ZNF536: variants seen among roughly 807,000 people sequenced by gnomAD.
ZNF536 encodes the protein zinc finger protein 536.
In ZNF536, 13 loss-of-function variants were observed where a neutral mutation model predicts 84.5. The ratio of observed to expected loss-of-function variants is 0.15; its 90% CI spans 0.10 to 0.24. The LOEUF (loss-of-function observed/expected upper bound fraction) is 0.24. Among genes scored for constraint, ZNF536 ranks in the 10% least tolerant of loss-of-function variants. The pLI, the probability that ZNF536 is intolerant of heterozygous loss-of-function variation, is 1.00. For missense variants in ZNF536, 1,536 were observed against 1,747.5 expected, an observed-to-expected ratio of 0.88 and a Z score of 2.16; for synonymous variants, 811 against 742.5, an observed-to-expected ratio of 1.09 and a Z score of -1.50.
chr19:30,576,977 A>T (rs1000816697), intron 1 of ZNF536, among the ~76,000 whole-genome samples: 4 of 152,168 alleles, frequency 2.6e-5, no homozygotes, highest in African/African-American at 9.7e-5. Flanking sequence ...TTTGTTTGGG[A>T]TTTGAAGTCT....
chr19:30,396,454 T>A (rs1015078759), intron 1 of ZNF536, among the ~76,000 whole-genome samples: 2 of 152,210 alleles, frequency 1.3e-5, no homozygotes, highest in Non-Finnish European at 2.9e-5. Context: ...CATCCATCTT[T>A]CTTTGAGAAG....
chr19:30,297,906 C>CCG (rs919670085), intron 2 of ZNF536, among the ~76,000 whole-genome samples: 1 of 149,340 alleles, frequency 6.7e-6, no homozygotes, highest in African/African-American at 2.5e-5. Flanking sequence ...GACGGAGTCC[C>CCG]CCCCCCCTCT....
intron 1 of ZNF536, among the ~76,000 whole-genome samples, chr19:30,567,010 G>T (rs567030554): frequency 2.0e-5 from 3 of 150,744 alleles, no homozygotes; most frequent in Non-Finnish European, 4.4e-5. Flanking sequence ...CGGTCCCCGC[G>T]TGTGGCCTCT....
chr19:30,558,726 G>A (rs1213974432), downstream of ZNF536, among the ~76,000 whole-genome samples: 1 of 152,068 alleles, frequency 6.6e-6, no homozygotes, highest in African/African-American at 2.4e-5. Context: ...TGGACTTGAG[G>A]GTCCTGCCAT....
intron 1 of ZNF536, among the ~76,000 whole-genome samples, chr19:30,374,804 C>G (rs1375045595): frequency 6.6e-6 from 1 of 151,858 alleles, no homozygotes; most frequent in Non-Finnish European, 1.5e-5. Flanking sequence ...CACCCCCAGC[C>G]GGCGCCCGGG....
intron 2 of ZNF536, among the ~76,000 whole-genome samples, chr19:30,328,627 C>T (rs2047113139): frequency 6.6e-6 from 1 of 152,196 alleles, no homozygotes; most frequent in South Asian, 2.1e-4. Flanking sequence ...GTTATTTGTA[C>T]CACTTGTGTG....
chr19:30,358,679 T>G (rs1157683262), intron 3 of ZNF536, among the ~76,000 whole-genome samples: 1 of 152,236 alleles, frequency 6.6e-6, no homozygotes, highest in African/African-American at 2.4e-5. Flanking sequence ...TCTGTCCAAG[T>G]CTAACTTGTG....
intron 1 of ZNF536, among the ~76,000 whole-genome samples, chr19:30,277,216 A>G (rs1043341243): frequency 1.8e-4 from 28 of 152,218 alleles, no homozygotes; most frequent in African/African-American, 6.8e-4. Flanking sequence ...TGAATTTTCA[A>G]CACTGTTGAT....
At chr19:30,236,824 G>A (rs2144765881) in intron 1 of ZNF536, among the ~76,000 whole-genome samples, 1 of 152,268 alleles carries the variant, frequency 6.6e-6, no homozygotes, top group South Asian at 2.1e-4. Context: ...GGAGGGGGGT[G>A]GTAGGGATGT....
chr19:30,321,456 A>T (rs932425156), intron 2 of ZNF536, among the ~76,000 whole-genome samples: 1 of 152,118 alleles, frequency 6.6e-6, no homozygotes, highest in Non-Finnish European at 1.5e-5. Context: ...TACTCAGGGG[A>T]CTGAGGCAGG....
chr19:30,338,482 A>ATG (rs1212510931), intron 2 of ZNF536, among the ~76,000 whole-genome samples: 19 of 114,962 alleles, frequency 1.7e-4, no homozygotes, highest in African/African-American at 7.3e-4. Context: ...CAATGATGAT[A>ATG]GTGATGATGA....
At chr19:30,581,925 C>T (rs189310320) in intron 1 of ZNF536, among the ~76,000 whole-genome samples, 2 of 152,144 alleles carry the variant, frequency 1.3e-5, no homozygotes, top group East Asian at 1.9e-4. Flanking sequence ...AGAGCCAGAG[C>T]GAGACTCCTC....
At chr19:30,257,149 C>T (rs549390877) in intron 1 of ZNF536, among the ~76,000 whole-genome samples, 1 of 152,170 alleles carries the variant, frequency 6.6e-6, no homozygotes, top group African/African-American at 2.4e-5. Flanking sequence ...CTCCTGGCGC[C>T]TATTCATTGC....
At chr19:30,396,193 C>T (rs1230871219) in intron 1 of ZNF536, among the ~76,000 whole-genome samples, 3 of 152,198 alleles carry the variant, frequency 2.0e-5, no homozygotes, top group African/African-American at 7.2e-5. Context: ...AAATCCCAGC[C>T]TTTTATTTAA....
chr19:30,328,960 C>T (rs1356427416), intron 2 of ZNF536, among the ~76,000 whole-genome samples: 1 of 152,218 alleles, frequency 6.6e-6, no homozygotes, highest in African/African-American at 2.4e-5. Flanking sequence ...TTTGCGGCAT[C>T]ATCAGAGTGA....
chr19:30,462,404 AT>A, intron 2 of ZNF536, among the ~76,000 whole-genome samples: 1 of 151,706 alleles, frequency 6.6e-6, no homozygotes, highest in South Asian at 2.1e-4. Context: ...GTGATGCTGT[AT>A]GTATATCTGC....
chr19:30,577,713 A>G (rs1428222872), intron 1 of ZNF536, among the ~76,000 whole-genome samples: 1 of 152,214 alleles, frequency 6.6e-6, no homozygotes, highest in Non-Finnish European at 1.5e-5. Context: ...ATTTTCATTC[A>G]GTGCTGCCCC....
At chr19:30,594,433 C>T (rs80344440) in intron 1 of ZNF536, among the ~76,000 whole-genome samples, 2,835 of 152,302 alleles carry the variant, frequency 0.019, 80 homozygotes, top group African/African-American at 0.064. Context: ...CCTCCTCAGT[C>T]TCCCCCTGCT....
intron 1 of ZNF536, among the ~76,000 whole-genome samples, chr19:30,259,365 T>G (rs1457440062): frequency 6.6e-6 from 1 of 152,190 alleles, no homozygotes; most frequent in Non-Finnish European, 1.5e-5. Flanking sequence ...AGAAAAAGAA[T>G]GCAGCAGCGG....
Sources: gnomAD v4.1 joint callset for allele counts (sites outside exome capture counted in the v4.1 genomes callset) on GRCh38, gnomAD v4.1.1 for gene constraint, MANE v1.5 for transcripts, NCBI Gene and HGNC (gene_info 2026-07-23, HGNC 2026-07-21) for gene names.